Variants in MSH3 observed in about 807,000 individuals in gnomAD.
MSH3 encodes the protein mutS homolog 3.
MSH3 carries 106 observed loss-of-function variants against 123.3 expected under a neutral mutation model. The observed-to-expected ratio is 0.86, with a 90% confidence interval of 0.73 to 1.01. MSH3 has a LOEUF of 1.01. Ranked by LOEUF, MSH3 falls within the 50% of genes least tolerant of loss-of-function variation. The probability of loss-of-function intolerance (pLI) is 0.00; values close to 1 mark genes in which losing one functional copy is unlikely to be tolerated. For synonymous variants in MSH3, 515 were observed against 481.4 expected, an observed-to-expected ratio of 1.07 and a Z score of -0.91; for missense variants, 1,459 against 1,347.6, an observed-to-expected ratio of 1.08 and a Z score of -1.29.
chr5:80,819,546 C>T (rs532704022), intron 20 of MSH3, among the ~76,000 whole-genome samples: 1 of 150,446 alleles, frequency 6.6e-6, no homozygotes, highest in African/African-American at 2.4e-5. Flanking sequence ...TGACACGATC[C>T]CAGGATCCCA....
intron 21 of MSH3, chr5:80,855,780 G>A (rs1745906005): frequency 6.6e-6 from 1 of 151,688 alleles, no homozygotes; most frequent in African/African-American, 2.4e-5. Context: ...CACAGTTTGT[G>A]CAGCAAATAG....
chr5:80,682,141 A>C (rs1271057315), intron 8 of MSH3, among the ~76,000 whole-genome samples: 1 of 152,184 alleles, frequency 6.6e-6, no homozygotes, highest in Non-Finnish European at 1.5e-5. Flanking sequence ...ATTTATATCT[A>C]TGGACAGAAT....
At chr5:80,834,525 ATCC>A (rs1745474993) in intron 20 of MSH3, among the ~76,000 whole-genome samples, 1 of 149,320 alleles carries the variant, frequency 6.7e-6, no homozygotes, top group South Asian at 2.1e-4. Context: ...AAGTCAAAGA[ATCC>A]TCCTGTAATA....
chr5:80,691,745 G>A (rs1750259448), intron 8 of MSH3, among the ~76,000 whole-genome samples: 1 of 146,220 alleles, frequency 6.8e-6, no homozygotes, highest in African/African-American at 2.5e-5. Context: ...ATATATATGT[G>A]TGTGTATATA....
intron 2 of MSH3, among the ~76,000 whole-genome samples, chr5:80,661,695 A>G (rs1230899229): frequency 6.6e-6 from 1 of 152,206 alleles, no homozygotes; most frequent in Non-Finnish European, 1.5e-5. Context: ...ATCCCTTGAC[A>G]GATTTTTCCT....
chr5:80,836,543 CAAAAAAAAAA>C (rs71603568), intron 20 of MSH3, among the ~76,000 whole-genome samples: 1 of 118,820 alleles, frequency 8.4e-6, no homozygotes, highest in African/African-American at 3.2e-5. Context: ...GAATATGCCA[CAAAAAAAAAA>C]AAAAAAAAAA....
chr5:80,740,555 A>G lies in MSH3; in HGVS notation c.1569-909A>G, dbSNP rs374162375. ...GTATTTTTAGTAGAGACGGGGTTTC[A>G]TCATGTTGGTTGGCCAGGATGGTCT... On this transcript the variant is annotated intron_variant, in intron 10 of 23. Coordinates refer to ENST00000265081, the MANE Select transcript of MSH3 (RefSeq NM_002439.5). 8.6e-5 allele frequency among the ~76,000 whole-genome samples: 13 copies of G among 151,978 alleles called. 1 individual carries two copies. The highest frequency in any genetic ancestry group is 3.1e-4 in the African/African-American group (13 of 41,468).
intron 16 of MSH3, among the ~76,000 whole-genome samples, chr5:80,778,479 T>G (rs952354536): frequency 6.6e-6 from 1 of 152,200 alleles, no homozygotes; most frequent in Non-Finnish European, 1.5e-5. Flanking sequence ...ATAAAAGTTC[T>G]AAACTCTGAC....
At chr5:80,766,692 A>G (rs568567398) in intron 13 of MSH3, among the ~76,000 whole-genome samples, 1 of 151,952 alleles carries the variant, frequency 6.6e-6, no homozygotes, top group Non-Finnish European at 1.5e-5. Context: ...CAAGATGGAG[A>G]GAAATTAGAT....
chr5:80,662,075 A>G (rs1288332526), intron 2 of MSH3, among the ~76,000 whole-genome samples: 1 of 152,230 alleles, frequency 6.6e-6, no homozygotes, highest in Non-Finnish European at 1.5e-5. Context: ...GACCACCTAT[A>G]CAACATTAAT....
chr5:80,738,078 C>T (rs3776974), intron 10 of MSH3, among the ~76,000 whole-genome samples: 11,588 of 152,186 alleles, frequency 0.076, 491 homozygotes, highest in Non-Finnish European at 0.092. Context: ...TACGTTAATA[C>T]CATTGATTAA....
chr5:80,707,058 C>A (rs1750742478), intron 8 of MSH3, among the ~76,000 whole-genome samples: 1 of 152,204 alleles, frequency 6.6e-6, no homozygotes, highest in African/African-American at 2.4e-5. Context: ...CTCCAAGCAA[C>A]TACTGTTCTG....
intron 20 of MSH3, among the ~76,000 whole-genome samples, chr5:80,839,096 G>A (rs1308562240): frequency 6.6e-6 from 1 of 152,174 alleles, no homozygotes; most frequent in Non-Finnish European, 1.5e-5. Flanking sequence ...GCTGGGTGCG[G>A]TGGCTCAAAC....
chr5:80,810,584 C>T (rs1744993614), intron 19 of MSH3, among the ~76,000 whole-genome samples: 1 of 152,050 alleles, frequency 6.6e-6, no homozygotes, highest in African/African-American at 2.4e-5. Context: ...GCAGTGTCAC[C>T]TTTGTCATAA....
At chr5:80,741,026 A>G (rs960692331) in intron 10 of MSH3, among the ~76,000 whole-genome samples, 7 of 152,112 alleles carry the variant, frequency 4.6e-5, no homozygotes, top group Non-Finnish European at 7.4e-5. Context: ...TAGAATCTTG[A>G]TTAAAAGTAT....
intron 20 of MSH3, among the ~76,000 whole-genome samples, chr5:80,852,230 G>A (rs1745842129): frequency 6.6e-6 from 1 of 152,192 alleles, no homozygotes; most frequent in Non-Finnish European, 1.5e-5. Flanking sequence ...GGAGTCTGAG[G>A]TGGGCACTCG....
intron 8 of MSH3, 117 bp downstream of exon 8, chr5:80,679,210 C>T (rs1425263050): frequency 6.3e-6 from 7 of 1,103,308 alleles, no homozygotes; most frequent in Admixed American, 5.7e-5. Context: ...TATATTTCCA[C>T]TGTAGTAGTG....
At chr5:80,795,283 G>C (rs944039271) in intron 19 of MSH3, among the ~76,000 whole-genome samples, 1 of 152,044 alleles carries the variant, frequency 6.6e-6, no homozygotes, top group African/African-American at 2.4e-5. Context: ...AAGACTTGTT[G>C]GTAGTATATA....
At chr5:80,672,591 C>A (rs988108720) in intron 5 of MSH3, 150 bp from the exon 6 acceptor site, 1 of 743,516 alleles carries the variant, frequency 1.3e-6, no homozygotes, top group Non-Finnish European at 2.3e-6. Context: ...AGCAAATTAT[C>A]CACCCTTGTC....
Sources: gnomAD v4.1 joint callset for allele counts (sites outside exome capture counted in the v4.1 genomes callset) on GRCh38, gnomAD v4.1.1 for gene constraint, MANE v1.5 for transcripts, NCBI Gene and HGNC (gene_info 2026-07-23, HGNC 2026-07-21) for gene names.